UBE2G2: variants seen among roughly 807,000 people sequenced by gnomAD.
The protein encoded by UBE2G2 is ubiquitin-conjugating enzyme E2 G2.
A neutral mutation model predicts 23.0 loss-of-function variants in UBE2G2; 10 were observed. The ratio of observed to expected loss-of-function variants is 0.43; its 90% confidence interval spans 0.27 to 0.74. The LOEUF is 0.74. Ranked by LOEUF, UBE2G2 falls within the 30% of genes least tolerant of loss-of-function variation. The pLI, the probability that UBE2G2 is intolerant of heterozygous loss-of-function variation, is 0.19. For synonymous variants in UBE2G2, 86 were observed against 81.3 expected, an observed-to-expected ratio of 1.06 and a Z score of -0.31; for missense variants, 150 against 218.3, an observed-to-expected ratio of 0.69 and a Z score of 1.97.
intron 3 of UBE2G2, chr21:44,779,141 C>G (rs959661114): frequency 2.7e-6 from 1 of 366,448 alleles, no homozygotes; most frequent in Non-Finnish European, 5.4e-6. Context: ...CTTTAGCTTT[C>G]ACCTGGAGGC....
chr21:44,797,890 A>T (rs1386672260), intron 1 of UBE2G2, among the ~76,000 whole-genome samples: 1 of 152,150 alleles, frequency 6.6e-6, no homozygotes, highest in African/African-American at 2.4e-5. Flanking sequence ...GAGGACACAG[A>T]AGTAATAGTC....
chr21:44,801,663 A>G (rs1555964838), intron 1 of UBE2G2, 43 bp downstream of exon 1: 1 of 1,502,080 alleles, frequency 6.7e-7, no homozygotes, highest in Admixed American at 2.3e-5. Flanking sequence ...GCCCGGGAGC[A>G]GGAACGCGGG....
Position 44,773,736 on chromosome 21 carries a change from C to T in UBE2G2, c.245-49G>A, listed in dbSNP as rs782356406. The T allele has an allele frequency of 4.4e-6, 7 of 1,592,572 alleles. No individual in the cohort carries two copies. The East Asian group carries it at 1.3e-4, about 31-fold the overall frequency. ...GTGAGCCCAGGAATGGTGCCCGAGG[C>T]ATCGCCGCGCTTGGGCAGGCTCCAC... On this transcript the variant is annotated intron_variant, in intron 4 of 5. Coordinates refer to ENST00000345496, the MANE Select transcript of UBE2G2 (RefSeq NM_003343.6).
At chr21:44,787,523 T>C (rs1555962265) in intron 3 of UBE2G2, among the ~76,000 whole-genome samples, 1 of 152,204 alleles carries the variant, frequency 6.6e-6, no homozygotes, top group Non-Finnish European at 1.5e-5. Flanking sequence ...ATGCCTGGTG[T>C]GGTCAGACAC....
chr21:44,791,665 G>T (rs1454856316), intron 1 of UBE2G2, among the ~76,000 whole-genome samples: 1 of 152,254 alleles, frequency 6.6e-6, no homozygotes, highest in Non-Finnish European at 1.5e-5. Context: ...GAGAACATCT[G>T]CTAGGGCATT....
intron 3 of UBE2G2, among the ~76,000 whole-genome samples, chr21:44,778,673 TAAGG>T (rs1173092817): frequency 6.6e-6 from 1 of 152,180 alleles, no homozygotes; most frequent in Non-Finnish European, 1.5e-5. Flanking sequence ...CTTTCTTTGA[TAAGG>T]AAGCAGGACT....
chr21:44,780,744 GTCC>G (rs2082949703), intron 3 of UBE2G2, among the ~76,000 whole-genome samples: 1 of 152,204 alleles, frequency 6.6e-6, no homozygotes, highest in Non-Finnish European at 1.5e-5. Flanking sequence ...CCTTGTCACT[GTCC>G]TCCTCCAGAG....
chr21:44,787,444 C>A (rs756894452), intron 3 of UBE2G2, among the ~76,000 whole-genome samples: 4 of 152,110 alleles, frequency 2.6e-5, no homozygotes, highest in Admixed American at 6.5e-5. Context: ...CACGAAGATA[C>A]GAACTGGGAG....
chr21:44,787,883 A>G (rs782311834), intron 3 of UBE2G2, 37 bp downstream of exon 3: 15 of 1,607,474 alleles, frequency 9.3e-6, no homozygotes, highest in Non-Finnish European at 1.3e-5. Context: ...GACTTCCAGC[A>G]AAGCCCTAAA....
chr21:44,795,320 C>T (rs1417722977), intron 1 of UBE2G2, among the ~76,000 whole-genome samples: 2 of 151,750 alleles, frequency 1.3e-5, no homozygotes, highest in Non-Finnish European at 1.5e-5. Flanking sequence ...CTGCTATACA[C>T]CCAATAGAAT....
intron 1 of UBE2G2, among the ~76,000 whole-genome samples, chr21:44,788,608 C>G (rs1184253391): frequency 4.2e-5 from 6 of 143,706 alleles, no homozygotes; most frequent in Admixed American, 2.7e-4. Flanking sequence ...TTTATACCAA[C>G]AAAACATAGA....
chr21:44,780,002 G>A (rs2082943957), intron 3 of UBE2G2, among the ~76,000 whole-genome samples: 1 of 152,122 alleles, frequency 6.6e-6, no homozygotes, highest in Non-Finnish European at 1.5e-5. Context: ...AAATGTCTGG[G>A]TAGTGTTTTT....
At chr21:44,786,106 C>G (rs2082994357) in intron 3 of UBE2G2, among the ~76,000 whole-genome samples, 1 of 152,048 alleles carries the variant, frequency 6.6e-6, no homozygotes, top group South Asian at 2.1e-4. Flanking sequence ...ACACGACAGG[C>G]GCCTTCAACC....
chr21:44,797,845 G>A (rs1679902740), intron 1 of UBE2G2, among the ~76,000 whole-genome samples: 1 of 151,892 alleles, frequency 6.6e-6, no homozygotes, highest in African/African-American at 2.4e-5. Flanking sequence ...AATGGTAGGT[G>A]TTCACACATC....
Position 44,769,185 on chromosome 21 carries a change from C to A in UBE2G2, c.*2192G>T, listed in dbSNP as rs1555959453. On this transcript the variant is annotated 3_prime_UTR_variant, in exon 6 of 6. Transcript: ENST00000345496. ...TGTCAAGAGACTGCCTCTCCTCCCT[C>A]TCCCGATCTCACAGAAGCCTCCAGG... The A allele has an allele frequency of 1.3e-5, 2 of 152,230 alleles. No homozygotes were observed. 9.4% of individuals were successfully genotyped at this position (152,230 alleles called of 1,614,324 possible).
intron 3 of UBE2G2, among the ~76,000 whole-genome samples, chr21:44,783,205 C>A (rs2082969529): frequency 6.6e-6 from 1 of 152,200 alleles, no homozygotes; most frequent in Non-Finnish European, 1.5e-5. Context: ...AAATCCAAGT[C>A]AAATCTGTAA....
At chr21:44,790,623 T>C (rs956694227) in intron 1 of UBE2G2, among the ~76,000 whole-genome samples, 10 of 152,234 alleles carry the variant, frequency 6.6e-5, no homozygotes, top group African/African-American at 2.2e-4. Flanking sequence ...TTCACTCTTC[T>C]TTCTTGCCAC....
chr21:44,793,041 T>C (rs1555963151), intron 1 of UBE2G2, among the ~76,000 whole-genome samples: 2 of 152,090 alleles, frequency 1.3e-5, no homozygotes, highest in East Asian at 1.9e-4. Flanking sequence ...TCATGTGGAG[T>C]AGATCAGGAG....
In UBE2G2 at chr21:44,769,867, C is replaced by T. The variant is rs2082859188; in HGVS notation, c.*1510G>A. 6.6e-6 allele frequency: 1 copy of T among 152,218 alleles called. No individual in the cohort carries two copies. Among genetic ancestry groups the T allele is most frequent in the Non-Finnish European group, 1.5e-5 (1 of 68,044 alleles). 9.4% of individuals were successfully genotyped at this position (152,218 alleles called of 1,614,324 possible). ...CAAATCTACTGTATGCCTCATAGAC[C>T]ATCCCTTATTTCAAAAATAGAAATT... On this transcript the variant is annotated 3_prime_UTR_variant, in exon 6 of 6. Transcript: ENST00000345496.
Sources: gnomAD v4.1 joint callset for allele counts (sites outside exome capture counted in the v4.1 genomes callset) on GRCh38, gnomAD v4.1.1 for gene constraint, MANE v1.5 for transcripts, NCBI Gene and HGNC (gene_info 2026-07-23, HGNC 2026-07-21) for gene names.